Variants in CHID1 observed in about 807,000 individuals in gnomAD.
CHID1 encodes the protein chitinase domain containing 1, also known as chitinase domain-containing protein 1.
A neutral mutation model predicts 55.4 loss-of-function variants in CHID1; 44 were observed. The observed-to-expected ratio is 0.79, with a 90% CI of 0.62 to 1.02. CHID1 has a LOEUF of 1.02. Among genes scored for constraint, CHID1 ranks in the 50% least tolerant of loss-of-function variants. CHID1 has a pLI of 0.00. For missense variants in CHID1, 491 were observed against 515.3 expected, an observed-to-expected ratio of 0.95 and a Z score of 0.46; for synonymous variants, 216 against 212.9, an observed-to-expected ratio of 1.01 and a Z score of -0.13.
chr11:902,036 TACAC>T (rs5789184), intron 4 of CHID1, 158 bp downstream of exon 4: 390,978 of 724,300 alleles, frequency 0.54, 109,257 homozygotes, highest in South Asian at 0.75. Flanking sequence ...GTCTCACACT[TACAC>T]ACTCACATTC....
intron 8 of CHID1, among the ~76,000 whole-genome samples, chr11:886,605 G>A (rs375707691): frequency 2.6e-5 from 4 of 152,356 alleles, no homozygotes; most frequent in African/African-American, 9.6e-5. Context: ...CCATGGTGGA[G>A]TTAGTGTCCC....
chr11:895,094 G>C (rs1851163163), intron 7 of CHID1, among the ~76,000 whole-genome samples: 1 of 152,190 alleles, frequency 6.6e-6, no homozygotes, highest in South Asian at 2.1e-4. Context: ...GGTGGTCAAG[G>C]AGGGTGCTGC....
At chr11:907,932 C>T (rs183865745) in intron 1 of CHID1, among the ~76,000 whole-genome samples, 11 of 152,298 alleles carry the variant, frequency 7.2e-5, no homozygotes, top group Admixed American at 3.3e-4. Flanking sequence ...CCTCTGAAAC[C>T]GTCCCCTTGA....
intron 5 of CHID1, 43 bp downstream of exon 5, chr11:900,893 G>C: frequency 6.4e-7 from 1 of 1,570,642 alleles, no homozygotes; most frequent in Non-Finnish European, 8.7e-7. Context: ...CACCCCCGCA[G>C]TTTGAGCCAT....
chr11:871,682 G>A (rs1849184669), intron 10 of CHID1, among the ~76,000 whole-genome samples: 1 of 152,244 alleles, frequency 6.6e-6, no homozygotes, highest in African/African-American at 2.4e-5. Context: ...CTACAGCCCG[G>A]GTGCCATGTG....
intron 10 of CHID1, among the ~76,000 whole-genome samples, chr11:871,837 C>A (rs1160518198): frequency 6.6e-6 from 1 of 152,062 alleles, no homozygotes; most frequent in East Asian, 1.9e-4. Flanking sequence ...GCACCTCGAG[C>A]CACCTTTCTG....
upstream of CHID1, among the ~76,000 whole-genome samples, chr11:911,806 T>G (rs1205244661): frequency 1.3e-5 from 2 of 152,208 alleles, no homozygotes; most frequent in Non-Finnish European, 2.9e-5. Flanking sequence ...TAGCACTCGC[T>G]CTCAGCAAAC....
chr11:908,282 G>A (rs1220516745), intron 1 of CHID1: 1 of 152,472 alleles, frequency 6.6e-6, no homozygotes, highest in Admixed American at 6.5e-5. Context: ...GAACAGCCAC[G>A]GCAGTTCCGA....
chr11:886,453 T>G (rs4963200), intron 8 of CHID1, among the ~76,000 whole-genome samples: 1 of 152,156 alleles, frequency 6.6e-6, no homozygotes, highest in Admixed American at 6.5e-5. Flanking sequence ...AGCAAGACAA[T>G]TGATGAATCG....
At chr11:912,837 C>CAAAAAAAAAAAA (rs59345654), upstream of CHID1, among the ~76,000 whole-genome samples, 1 of 135,932 alleles carries the variant, frequency 7.4e-6, no homozygotes, top group African/African-American at 2.8e-5. Flanking sequence ...GACTCTGCCT[C>CAAAAAAAAAAAA]AAAAAAAAAA....
chr11:877,386 G>A (rs1849586785), intron 10 of CHID1, among the ~76,000 whole-genome samples: 1 of 152,198 alleles, frequency 6.6e-6, no homozygotes, highest in African/African-American at 2.4e-5. Context: ...TGGGACCACA[G>A]GTGTGCACCA....
rs1046832021 is a variant in CHID1, at chr11:869,238, G to C, written c.*620C>G. The C allele has an allele frequency of 6.5e-6, 1 of 154,674 alleles. No individual in the cohort carries two copies. Among genetic ancestry groups the C allele is most frequent in the Non-Finnish European group, 1.4e-5 (1 of 69,796 alleles). 9.6% of individuals were successfully genotyped at this position (154,674 alleles called of 1,614,324 possible). A position where few individuals can be genotyped will look rare whatever the true frequency, so the allele number is the denominator to read the frequency against. On this transcript the variant is annotated 3_prime_UTR_variant, in exon 13 of 13. Transcript: ENST00000323578. Reference sequence around the variant, plus strand: ...CCTGAGGCGGCAGAGCTGAGCCAAGGTCCAGGACCAGTTTCAAGAGGGTGG... The same window carrying C: ...CCTGAGGCGGCAGAGCTGAGCCAAGCTCCAGGACCAGTTTCAAGAGGGTGG...
Position 869,436 on chromosome 11 carries a change from T to G in CHID1, c.*422A>C. 1 of 206,524 alleles carries G rather than the reference T, an allele frequency of 4.8e-6. No homozygotes were observed. The highest frequency in any genetic ancestry group is 9.8e-6 in the Non-Finnish European group (1 of 101,818). 12.8% of individuals were successfully genotyped at this position (206,524 alleles called of 1,614,324 possible). On this transcript the variant is annotated 3_prime_UTR_variant, in exon 13 of 13. Coordinates refer to ENST00000323578, the MANE Select transcript of CHID1 (RefSeq NM_023947.4). Reference sequence around the variant, plus strand: ...GCTCTATCACTGCCAGGCCCTGGGGTGATGCTGGGCAGAGCTGTCCCTGCG... The same window carrying G: ...GCTCTATCACTGCCAGGCCCTGGGGGGATGCTGGGCAGAGCTGTCCCTGCG...
intron 1 of CHID1, 89 bp from the exon 2 acceptor site, chr11:904,948 A>G (rs1852100632): frequency 5.6e-6 from 8 of 1,419,308 alleles, no homozygotes; most frequent in Non-Finnish European, 7.7e-6. Flanking sequence ...CTTTCTCCTA[A>G]TAGGGCCTGG....
At chr11:890,503 G>A (rs967255074) in intron 8 of CHID1, among the ~76,000 whole-genome samples, 12 of 152,348 alleles carry the variant, frequency 7.9e-5, no homozygotes, top group Admixed American at 2.6e-4. Flanking sequence ...GGCCGGCAAC[G>A]GCGCCAGCAG....
intron 1 of CHID1, among the ~76,000 whole-genome samples, chr11:907,200 G>A (rs541402354): frequency 4.2e-4 from 64 of 152,088 alleles, no homozygotes; most frequent in African/African-American, 1.3e-3. Context: ...TCTACTTTCC[G>A]GCCGGGCGCG....
intron 2 of CHID1, 56 bp from the exon 3 acceptor site, chr11:903,167 C>G: frequency 6.4e-7 from 1 of 1,557,528 alleles, no homozygotes; most frequent in South Asian, 1.1e-5. Flanking sequence ...GTGTAGAGCA[C>G]AGAGCCCCAC....
intron 10 of CHID1, among the ~76,000 whole-genome samples, chr11:878,180 G>A (rs191284411): frequency 2.6e-5 from 4 of 152,358 alleles, no homozygotes; most frequent in East Asian, 1.9e-4. Context: ...TTGGGAAGCC[G>A]AGCCGGGTGG....
At chr11:900,384 T>C (rs1268540116) in intron 5 of CHID1, among the ~76,000 whole-genome samples, 2 of 152,176 alleles carry the variant, frequency 1.3e-5, no homozygotes, top group Non-Finnish European at 2.9e-5. Context: ...AGCATGGTTG[T>C]GGCCCCACCT....
Sources: gnomAD v4.1 joint callset for allele counts (sites outside exome capture counted in the v4.1 genomes callset) on GRCh38, gnomAD v4.1.1 for gene constraint, MANE v1.5 for transcripts, NCBI Gene and HGNC (gene_info 2026-07-23, HGNC 2026-07-21) for gene names.